PTPRM: variants seen among roughly 807,000 people sequenced by gnomAD.
PTPRM encodes the protein receptor-type tyrosine-protein phosphatase mu.
Under a neutral mutation model 186.7 loss-of-function variants are expected in PTPRM, and 47 were observed. That is an observed-to-expected ratio of 0.25 (90% CI 0.20 to 0.32). The LOEUF (loss-of-function observed/expected upper bound fraction) is 0.32. Among genes scored for constraint, PTPRM ranks in the 10% least tolerant of loss-of-function variants. The probability of loss-of-function intolerance (pLI) is 1.00; values close to 1 mark genes in which losing one functional copy is unlikely to be tolerated. For synonymous variants in PTPRM, 668 were observed against 674.9 expected, an observed-to-expected ratio of 0.99 and a Z score of 0.16; for missense variants, 1,494 against 1,865.0, an observed-to-expected ratio of 0.80 and a Z score of 3.66.
chr18:8,010,547 C>G (rs886510931), intron 7 of PTPRM, among the ~76,000 whole-genome samples: 3 of 152,126 alleles, frequency 2.0e-5, no homozygotes, highest in African/African-American at 7.2e-5. Context: ...TTGAAAACAG[C>G]AAGAATTGAG....
chr18:7,865,713 GA>G (rs1293090148), intron 2 of PTPRM, among the ~76,000 whole-genome samples: 2 of 152,144 alleles, frequency 1.3e-5, no homozygotes, highest in Non-Finnish European at 2.9e-5. Context: ...ATGAGTTACG[GA>G]GGATTCCTTC....
chr18:7,811,343 A>G (rs1461424795), intron 2 of PTPRM, among the ~76,000 whole-genome samples: 2 of 152,084 alleles, frequency 1.3e-5, no homozygotes, highest in Non-Finnish European at 2.9e-5. Context: ...TTTGCACAGG[A>G]TGCTTGGGAG....
intron 2 of PTPRM, among the ~76,000 whole-genome samples, chr18:7,810,598 T>C (rs117408044): frequency 0.011 from 1,606 of 151,572 alleles, 8 homozygotes; most frequent in Middle Eastern, 0.02. Context: ...CTTAGTAGCT[T>C]GTGTGTGTTG....
rs147397177 is a variant in PTPRM at position 8,249,049 on chromosome 18, C to CT, written c.2554+876dup. On this transcript the variant is annotated intron_variant, in intron 17 of 32. Coordinates refer to ENST00000580170, the MANE Select transcript of PTPRM (RefSeq NM_001105244.2). ...CCTGAGTGTATCACGGCTGTGTTCT[C>CT]TTTCTACTACTAACCTTTCCGAAAA... Among the ~76,000 whole-genome samples, 429 of 152,312 alleles carry CT rather than the reference C, an allele frequency of 2.8e-3. 2 individuals carry two copies. Among genetic ancestry groups the CT allele is most frequent in the African/African-American group, 9.7e-3 (405 of 41,572 alleles).
At chr18:8,217,464 G>A (rs1025889388) in intron 14 of PTPRM, among the ~76,000 whole-genome samples, 4 of 152,082 alleles carry the variant, frequency 2.6e-5, no homozygotes, top group African/African-American at 4.8e-5. Context: ...ATACAAATTC[G>A]TTACATTACT....
intron 14 of PTPRM, among the ~76,000 whole-genome samples, chr18:8,206,893 G>T (rs1179575544): frequency 6.6e-6 from 1 of 152,074 alleles, no homozygotes; most frequent in African/African-American, 2.4e-5. Flanking sequence ...AATGTGAAGA[G>T]ACACGGGGAG....
At position 8,023,860 on chromosome 18, in the gene PTPRM, A is replaced by ACG. The variant is rs1261123979; in HGVS notation, c.1133-45825_1133-45824insGC. Among the ~76,000 whole-genome samples, 79 of 142,798 alleles carry ACG rather than the reference A, an allele frequency of 5.5e-4. 1 individual carries two copies. The highest frequency in any genetic ancestry group is 1.8e-3 in the African/African-American group (70 of 39,538). 93.7% of individuals were successfully genotyped at this position (142,798 alleles called of 152,430 possible). On this transcript the variant is annotated intron_variant, in intron 7 of 32. Transcript: ENST00000580170. The stretch of plus-strand genomic sequence containing the variant: ...CACACACACACACACACACACACAC[A>ACG]CACACACACACGCACACCCCTCCTA...
rs182784640 is a variant in PTPRM at position 8,190,756 on chromosome 18, C to T, written c.2300+46977C>T. Reference sequence around the variant, plus strand: ...ATACATAAATGTTAAAAGTAATATACAAGATGATGGTTTTATTGAGTGAAG... The same window carrying T: ...ATACATAAATGTTAAAAGTAATATATAAGATGATGGTTTTATTGAGTGAAG... On this transcript the variant is annotated intron_variant, in intron 14 of 32. Transcript: ENST00000580170. Among the ~76,000 whole-genome samples the T allele has an allele frequency of 3.5e-3, 539 of 151,994 alleles. 2 individuals carry two copies. The highest frequency in any genetic ancestry group is 6.6e-3 in the Non-Finnish European group (448 of 67,966).
chr18:8,138,175 A>G (rs1012397458), intron 13 of PTPRM, among the ~76,000 whole-genome samples: 6 of 151,182 alleles, frequency 4.0e-5, no homozygotes, highest in Admixed American at 1.3e-4. Context: ...CCCCTCCCCA[A>G]TGTAAGTCTG....
intron 2 of PTPRM, among the ~76,000 whole-genome samples, chr18:7,852,893 A>T (rs1423218361): frequency 5.3e-5 from 8 of 152,166 alleles, no homozygotes; most frequent in Admixed American, 5.2e-4. Context: ...TAAATAATAC[A>T]TAGTTACATA....
At chr18:7,571,691 A>T (rs2036570060) in intron 1 of PTPRM, among the ~76,000 whole-genome samples, 1 of 152,224 alleles carries the variant, frequency 6.6e-6, no homozygotes, top group South Asian at 2.1e-4. Flanking sequence ...AAAATATTTT[A>T]AGGATGTTTG....
At chr18:8,235,476 T>TG (rs1568572300) in intron 14 of PTPRM, among the ~76,000 whole-genome samples, 1 of 136,766 alleles carries the variant, frequency 7.3e-6, no homozygotes, top group African/African-American at 2.7e-5. Context: ...TTTTTTTTTT[T>TG]TTTAGCCTGG....
rs535666005 is a variant in PTPRM, at chr18:8,376,296, G to A, written c.3326+96G>A. On this transcript the variant is annotated intron_variant, in intron 25 of 32. Transcript: ENST00000580170. ...ATGAGTATGTTTTAGAACTTCAGAG[G>A]GGTGATGATTGCACAACATTTTGGG... is the stretch of plus-strand genomic sequence containing the variant. 2.6e-6 allele frequency: 4 copies of A among 1,543,754 alleles called. No individual in the cohort carries two copies. In the East Asian group the frequency reaches 7.0e-5, roughly 27 times the overall value.
In PTPRM at chr18:7,949,031, A is replaced by G. The variant is rs149911662; in HGVS notation, c.664-150A>G. ...CAGAATTTTAGTTTCCTGCTCAGCT[A>G]TTCTCCTGGTACAACTGCCCATGGG... On this transcript the variant is annotated intron_variant, in intron 5 of 32. Transcript: ENST00000580170. 4.3e-5 allele frequency: 28 copies of G among 644,132 alleles called. No homozygotes were observed. In the East Asian group the frequency reaches 4.7e-4, roughly 11 times the overall value. 39.9% of individuals were successfully genotyped at this position (644,132 alleles called of 1,614,324 possible).
chr18:8,241,328 G>C (rs1446162270), intron 14 of PTPRM, among the ~76,000 whole-genome samples: 1 of 151,932 alleles, frequency 6.6e-6, no homozygotes, highest in African/African-American at 2.4e-5. Flanking sequence ...GACAAAATGA[G>C]ACTCTGTCTC....
chr18:8,137,985 C>T (rs527676659), intron 13 of PTPRM, among the ~76,000 whole-genome samples: 2 of 152,272 alleles, frequency 1.3e-5, no homozygotes, highest in African/African-American at 4.8e-5. Context: ...GTTCCAGTAC[C>T]TTGAGCACAA....
intron 14 of PTPRM, among the ~76,000 whole-genome samples, chr18:8,153,268 G>C (rs2093051589): frequency 1.3e-5 from 2 of 152,162 alleles, no homozygotes; most frequent in Admixed American, 1.3e-4. Flanking sequence ...TAATCCAGTT[G>C]CCCTTGTGAC....
intron 1 of PTPRM, among the ~76,000 whole-genome samples, chr18:7,657,240 A>G (rs1349951756): frequency 4.6e-5 from 7 of 152,304 alleles, no homozygotes; most frequent in South Asian, 2.1e-4. Flanking sequence ...TGGATCTGCC[A>G]TTGACAGCAA....
chr18:7,746,508 C>T (rs2040989644), intron 1 of PTPRM, among the ~76,000 whole-genome samples: 2 of 152,022 alleles, frequency 1.3e-5, no homozygotes, highest in Admixed American at 1.3e-4. Context: ...CTCTGTCGCC[C>T]AAGCCGGAGT....
Sources: gnomAD v4.1 joint callset for allele counts (sites outside exome capture counted in the v4.1 genomes callset) on GRCh38, gnomAD v4.1.1 for gene constraint, MANE v1.5 for transcripts, NCBI Gene and HGNC (gene_info 2026-07-23, HGNC 2026-07-21) for gene names.